NIM1K: variants seen among roughly 807,000 people sequenced by gnomAD.
The protein encoded by NIM1K is NIM1 serine/threonine protein kinase.
Under a neutral mutation model 37.1 loss-of-function variants are expected in NIM1K, and 35 were observed. The ratio of observed to expected loss-of-function variants is 0.94; its 90% CI spans 0.72 to 1.25. The LOEUF (loss-of-function observed/expected upper bound fraction) is 1.25. NIM1K is among the 50% of genes most tolerant of loss of function. The pLI, the probability that NIM1K is intolerant of heterozygous loss-of-function variation, is 0.00. For missense variants in NIM1K, 564 were observed against 548.0 expected (o/e 1.03, Z -0.29); for synonymous variants, 234 against 206.6 (o/e 1.13, Z -1.14).
chr5:43,257,207 GGTATTTTTAA>G (rs930311206), intron 2 of NIM1K, among the ~76,000 whole-genome samples: 4 of 151,928 alleles, frequency 2.6e-5, no homozygotes, highest in African/African-American at 9.7e-5. Flanking sequence ...AAGTGAAAAA[GGTATTTTTAA>G]GAGGAAGATT....
In NIM1K at chr5:43,218,307, G is replaced by A. The variant is rs145837459; in HGVS notation, c.-695+25896G>A. 3.0e-3 allele frequency among the ~76,000 whole-genome samples: 460 copies of A among 152,190 alleles called. 2 individuals are homozygous for A. The highest frequency in any genetic ancestry group is 0.011 in the African/African-American group (444 of 41,510). On this transcript the variant is annotated intron_variant, in intron 1 of 3. Transcript: ENST00000326035. ...ATTACAGGCGTGAGCCACCGTGCCCGGCCTCCTCTGTCTATTTTTAATTGG... is the reference window on the plus strand; with the variant it reads ...ATTACAGGCGTGAGCCACCGTGCCCAGCCTCCTCTGTCTATTTTTAATTGG...
At chr5:43,219,024 G>A (rs147012283) in intron 1 of NIM1K, among the ~76,000 whole-genome samples, 40 of 152,180 alleles carry the variant, frequency 2.6e-4, no homozygotes, top group African/African-American at 8.7e-4. Flanking sequence ...GTTCTCATGC[G>A]ATCTGACGCT....
rs769264362 is a variant in NIM1K, at chr5:43,277,202, G to A, written c.438G>A (p.Leu146=). The change falls in exon 3 of 4, where the codon CTG becomes CTA. Residue 146 remains leucine (L), a synonymous_variant. Coordinates refer to ENST00000326035, the MANE Select transcript of NIM1K (RefSeq NM_153361.4). ...LYEVVETLSK[L]HLVMEYAGGG... is the part of the protein sequence containing the mutation. ...AAGTGGTGGAGACCCTATCCAAGCT[G>A]CACTTGGTGATGGAGTATGCAGGGG... 1.2e-6 allele frequency: 2 copies of A among 1,614,104 alleles called. No individual in the cohort carries two copies. The highest frequency in any genetic ancestry group is 1.3e-5 in the African/African-American group (1 of 75,034).
chr5:43,203,022 A>C (rs1419173246), intron 1 of NIM1K, among the ~76,000 whole-genome samples: 1 of 151,972 alleles, frequency 6.6e-6, no homozygotes, highest in Non-Finnish European at 1.5e-5. Context: ...CAGCCTTTCG[A>C]TGACTGTTTT....
At chr5:43,193,845 G>A (rs1579948478) in intron 1 of NIM1K, among the ~76,000 whole-genome samples, 1 of 152,264 alleles carries the variant, frequency 6.6e-6, no homozygotes, top group Admixed American at 6.5e-5. Context: ...TCTATTGAGA[G>A]GCTGTCTAGT....
chr5:43,257,924 A>G (rs1210237271), intron 2 of NIM1K, among the ~76,000 whole-genome samples: 1 of 152,132 alleles, frequency 6.6e-6, no homozygotes, highest in Non-Finnish European at 1.5e-5. Context: ...AAAAAACCAC[A>G]CACATATAAC....
At position 43,213,917 on chromosome 5, in the gene NIM1K, C is replaced by T. The variant is rs116817342; in HGVS notation, c.-695+21506C>T. On this transcript the variant is annotated intron_variant, in intron 1 of 3. Coordinates refer to ENST00000326035, the MANE Select transcript of NIM1K (RefSeq NM_153361.4). ...GTGCTGAGATTACAGGCTGGAGCCA[C>T]CATGCCTAGCTCTTTCTCTCTTTCT... Among the ~76,000 whole-genome samples, 963 of 146,818 alleles carry T rather than the reference C, an allele frequency of 6.6e-3. 4 individuals carry two copies. The highest frequency in any genetic ancestry group is 0.011 in the Non-Finnish European group (743 of 66,944).
chr5:43,258,195 T>C (rs2112279922), intron 2 of NIM1K, among the ~76,000 whole-genome samples: 1 of 152,306 alleles, frequency 6.6e-6, no homozygotes, highest in South Asian at 2.1e-4. Flanking sequence ...AATGGCATCA[T>C]CCAATGTGTA....
chr5:43,280,778 A>T lies in NIM1K; in HGVS notation c.*49A>T. ...AACCAAGATGATTGTTGCTGCTTCT[A>T]AATTTTTTTCAAGGACAACTTGAGT... On this transcript the variant is annotated 3_prime_UTR_variant, in exon 4 of 4. Transcript: ENST00000326035. The T allele has an allele frequency of 6.7e-7, 1 of 1,483,910 alleles. No homozygotes were observed. The highest frequency in any genetic ancestry group is 9.0e-7 in the Non-Finnish European group (1 of 1,114,944). 91.9% of individuals were successfully genotyped at this position (1,483,910 alleles called of 1,614,324 possible).
intron 2 of NIM1K, among the ~76,000 whole-genome samples, chr5:43,262,198 G>T (rs1001595029): frequency 6.6e-6 from 1 of 152,144 alleles, no homozygotes; most frequent in East Asian, 1.9e-4. Context: ...ATTACCTTGG[G>T]CAGAATGACC....
intron 2 of NIM1K, among the ~76,000 whole-genome samples, chr5:43,255,476 C>T (rs1752928394): frequency 1.3e-5 from 2 of 152,192 alleles, no homozygotes; most frequent in African/African-American, 2.4e-5. Context: ...GAGGGCCGGG[C>T]GCGGTCGGTC....
At chr5:43,277,897 C>CT (rs1278203140) in intron 3 of NIM1K, among the ~76,000 whole-genome samples, 30 of 151,948 alleles carry the variant, frequency 2.0e-4, no homozygotes, top group African/African-American at 7.0e-4. Context: ...GTAAGATCCC[C>CT]TAGCTCTTAT....
chr5:43,254,789 G>A (rs192237560), intron 2 of NIM1K, among the ~76,000 whole-genome samples: 84 of 152,096 alleles, frequency 5.5e-4, no homozygotes, highest in Admixed American at 4.6e-3. Context: ...GGCCGTTCAA[G>A]AACTTCTGGG....
chr5:43,246,200 C>A (rs892344106), intron 2 of NIM1K, 133 bp downstream of exon 2: 1 of 655,682 alleles, frequency 1.5e-6, no homozygotes, highest in Non-Finnish European at 2.5e-6. Context: ...CATCCTGTGC[C>A]AGCCGCCTTC....
At chr5:43,253,212 ATGTGTGTGTGTGTGTGTG>A (rs10603525) in intron 2 of NIM1K, among the ~76,000 whole-genome samples, 12 of 131,740 alleles carry the variant, frequency 9.1e-5, no homozygotes, top group East Asian at 2.3e-4. Flanking sequence ...AATATAATAT[ATGTGTGTGTGTGTGTGTG>A]TGTGTGTGTG....
intron 2 of NIM1K, among the ~76,000 whole-genome samples, chr5:43,272,366 G>T (rs1753270728): frequency 6.6e-6 from 1 of 151,888 alleles, no homozygotes; most frequent in Non-Finnish European, 1.5e-5. Context: ...TAATGCTCCT[G>T]GCACTTTTCC....
intron 1 of NIM1K, among the ~76,000 whole-genome samples, chr5:43,231,058 C>A (rs1419534682): frequency 6.6e-6 from 1 of 152,178 alleles, no homozygotes; most frequent in Non-Finnish European, 1.5e-5. Context: ...TGGCTCACAC[C>A]TATAATCCCA....
At chr5:43,232,879 T>C (rs753473627) in intron 1 of NIM1K, 29 of 1,136,446 alleles carry the variant, frequency 2.6e-5, no homozygotes, top group Admixed American at 5.1e-5. Context: ...ACTGGAAGCA[T>C]CTTCCTTGCC....
intron 2 of NIM1K, among the ~76,000 whole-genome samples, chr5:43,275,581 T>C (rs186494325): frequency 1.3e-5 from 2 of 152,214 alleles, no homozygotes; most frequent in African/African-American, 4.8e-5. Flanking sequence ...CTGTCAACAC[T>C]GGGTACTGGT....
Sources: allele counts gnomAD v4.1 joint callset (sites outside exome capture counted in the v4.1 genomes callset), GRCh38; gene constraint gnomAD v4.1.1; transcripts MANE v1.5; gene names NCBI Gene and HGNC (gene_info 2026-07-23, HGNC 2026-07-21).